The following PDGFRL variants were observed in gnomAD, a reference collection of about 807,000 sequenced individuals.
PDGFRL encodes platelet derived growth factor receptor like.
PDGFRL carries 46 observed loss-of-function variants against 37.2 expected under a neutral mutation model. That is an observed-to-expected ratio of 1.24 (90% CI 0.98 to 1.58). The LOEUF is 1.58. PDGFRL is among the 40% of genes most tolerant of loss of function. The pLI, the probability that PDGFRL is intolerant of heterozygous loss-of-function variation, is 0.00. For missense variants in PDGFRL, 692 were observed against 467.6 expected (o/e 1.48, Z -4.43); for synonymous variants, 251 against 184.3 (o/e 1.36, Z -2.93).
intron 2 of PDGFRL, among the ~76,000 whole-genome samples, chr8:17,615,952 A>T (rs921649892): frequency 1.8e-4 from 27 of 152,196 alleles, no homozygotes; most frequent in African/African-American, 5.8e-4. Context: ...TCTGTGGCAG[A>T]TGCTGTTCTA....
intron 2 of PDGFRL, among the ~76,000 whole-genome samples, chr8:17,601,894 T>C (rs765042196): frequency 2.6e-5 from 4 of 152,210 alleles, no homozygotes; most frequent in Non-Finnish European, 4.4e-5. Context: ...GTTGATTCCT[T>C]GTCTTTGCTC....
At chr8:17,593,069 C>G (rs1803977039) in intron 2 of PDGFRL, among the ~76,000 whole-genome samples, 2 of 152,150 alleles carry the variant, frequency 1.3e-5, no homozygotes, top group African/African-American at 2.4e-5. Context: ...TATTCTGACT[C>G]TACCCTCTAG....
chr8:17,631,178 C>G (rs1056586239), intron 4 of PDGFRL, among the ~76,000 whole-genome samples: 4 of 152,122 alleles, frequency 2.6e-5, no homozygotes, highest in Non-Finnish European at 4.4e-5. Flanking sequence ...TTCTCTGAGG[C>G]CGCTCCCTCG....
Position 17,628,464 on chromosome 8 carries a change from CTG to C in PDGFRL, c.506-19_506-18del, listed in dbSNP as rs1471964312. 2.5e-6 allele frequency: 4 copies of C among 1,604,248 alleles called. No homozygotes were observed. In the Admixed American group the frequency reaches 5.0e-5, roughly 20 times the overall value. ...CTTTGCGTCTCCGGAGTGAATAAGC[CTG>C]TGTCTTCCTTCCCTTTGCAGAGAAA... On this transcript the variant is annotated intron_variant, in intron 3 of 5. Transcript: ENST00000251630.
chr8:17,642,564 A>T, intron 5 of PDGFRL, 49 bp from the exon 6 acceptor site: 1 of 1,155,596 alleles, frequency 8.7e-7, no homozygotes, highest in Non-Finnish European at 1.3e-6. Flanking sequence ...GGAGCTCTTT[A>T]TAGCAGCTTG....
Position 17,642,653 on chromosome 8 carries a change from T to TC in PDGFRL, c.982dup (p.His328ProfsTer21). 1 of 1,611,114 alleles carries TC rather than the reference T, an allele frequency of 6.2e-7. No homozygotes were observed. Among genetic ancestry groups the TC allele is most frequent in the Non-Finnish European group, 8.5e-7 (1 of 1,177,226 alleles). On this transcript the variant is annotated frameshift_variant, in exon 6 of 6. Transcript: ENST00000251630. LOFTEE classifies it high-confidence loss of function. ...ACGATCCAAGACACTTGGAGGTTGA[T>TC]CCACAGAGGACTGGGACACACCACG...
chr8:17,608,982 A>C (rs2588118), intron 2 of PDGFRL, among the ~76,000 whole-genome samples: 1 of 152,212 alleles, frequency 6.6e-6, no homozygotes, highest in Non-Finnish European at 1.5e-5. Flanking sequence ...ACTTTGGCAG[A>C]CTGAGGCAGG....
chr8:17,636,521 G>A lies in PDGFRL; in HGVS notation c.939+2308G>A, dbSNP rs144055646. ...CTGTTTTGGTGACTATGGCCTTATA[G>A]TATAGTTTGAAGTCAGGTAATGGGA... is the stretch of plus-strand genomic sequence containing the variant. On this transcript the variant is annotated intron_variant, in intron 5 of 5. Coordinates refer to ENST00000251630, the MANE Select transcript of PDGFRL (RefSeq NM_001372073.1). Among the ~76,000 whole-genome samples the A allele has an allele frequency of 3.1e-4, 47 of 150,374 alleles. No homozygotes were observed. In the East Asian group the frequency reaches 8.8e-3, roughly 28 times the overall value.
chr8:17,591,177 T>C (rs1163985908), intron 2 of PDGFRL, among the ~76,000 whole-genome samples: 1 of 152,090 alleles, frequency 6.6e-6, no homozygotes, highest in East Asian at 1.9e-4. Context: ...CCACCGCGCC[T>C]GGCTGCTTCT....
chr8:17,600,634 C>CT (rs1355590200), intron 2 of PDGFRL, among the ~76,000 whole-genome samples: 1 of 139,466 alleles, frequency 7.2e-6, no homozygotes, highest in Non-Finnish European at 1.5e-5. Context: ...ACCCCCATCT[C>CT]TAAAAAAAAA....
intron 1 of PDGFRL, among the ~76,000 whole-genome samples, chr8:17,583,867 A>G (rs1803760455): frequency 6.6e-6 from 1 of 152,140 alleles, no homozygotes; most frequent in Admixed American, 6.5e-5. Context: ...CCACCAGTGG[A>G]AGCAGCCTGA....
At chr8:17,578,406 C>A (rs1481623897) in intron 1 of PDGFRL, among the ~76,000 whole-genome samples, 1 of 152,168 alleles carries the variant, frequency 6.6e-6, no homozygotes, top group Admixed American at 6.5e-5. Context: ...AGTCGTGGTA[C>A]TTGAAGTTGA....
At chr8:17,607,320 G>A (rs1804303675) in intron 2 of PDGFRL, among the ~76,000 whole-genome samples, 1 of 152,038 alleles carries the variant, frequency 6.6e-6, no homozygotes, top group Non-Finnish European at 1.5e-5. Context: ...GAAATTGGTT[G>A]AAGCACGTTC....
chr8:17,590,086 C>T (rs947266066), intron 2 of PDGFRL, among the ~76,000 whole-genome samples: 2 of 151,054 alleles, frequency 1.3e-5, no homozygotes, highest in African/African-American at 2.4e-5. Context: ...AGAAAATTAG[C>T]TGGGCGTGGT....
intron 1 of PDGFRL, among the ~76,000 whole-genome samples, chr8:17,581,598 T>C (rs1803708985): frequency 6.6e-6 from 1 of 152,054 alleles, no homozygotes; most frequent in Non-Finnish European, 1.5e-5. Context: ...GATTAATGCC[T>C]TCCCTTGGGG....
chr8:17,596,984 C>T (rs146965175), intron 2 of PDGFRL, among the ~76,000 whole-genome samples: 1 of 152,080 alleles, frequency 6.6e-6, no homozygotes, highest in Admixed American at 6.6e-5. Flanking sequence ...TGGAAGCTCC[C>T]CAGGTGTTCA....
chr8:17,581,679 C>T (rs972420484), intron 1 of PDGFRL, among the ~76,000 whole-genome samples: 3 of 152,090 alleles, frequency 2.0e-5, no homozygotes, highest in Non-Finnish European at 2.9e-5. Context: ...CTCCTCCCAC[C>T]GCACCATGTG....
chr8:17,583,258 G>C (rs1184685464), intron 1 of PDGFRL, among the ~76,000 whole-genome samples: 1 of 152,118 alleles, frequency 6.6e-6, no homozygotes, highest in Admixed American at 6.5e-5. Flanking sequence ...CATGGGAACA[G>C]GGCTCATGTG....
chr8:17,615,914 C>T (rs2588114), intron 2 of PDGFRL, among the ~76,000 whole-genome samples: 147,764 of 152,326 alleles, frequency 0.97, 71,858 homozygotes, highest in East Asian at 1. Flanking sequence ...TATCTCTAAA[C>T]GAATAAACAA....
Sources: gnomAD v4.1 joint callset for allele counts (sites outside exome capture counted in the v4.1 genomes callset) on GRCh38, gnomAD v4.1.1 for gene constraint, MANE v1.5 for transcripts, NCBI Gene and HGNC (gene_info 2026-07-23, HGNC 2026-07-21) for gene names.